The following SULT4A1 variants were observed in gnomAD, a reference collection of about 807,000 sequenced individuals.
SULT4A1 encodes sulfotransferase 4A1.
Under a neutral mutation model 35.2 loss-of-function variants are expected in SULT4A1, and 11 were observed. That is an observed-to-expected ratio of 0.31 (90% CI 0.20 to 0.52). SULT4A1 has a LOEUF of 0.52. SULT4A1 is among the 20% of genes least tolerant of loss of function. SULT4A1 has a pLI of 0.97. For synonymous variants in SULT4A1, 152 were observed against 151.8 expected, an observed-to-expected ratio of 1.00 and a Z score of -0.01; for missense variants, 271 against 383.7, an observed-to-expected ratio of 0.71 and a Z score of 2.45.
chr22:43,826,207 G>T, intron 6 of SULT4A1, 94 bp from the exon 7 acceptor site: 1 of 1,560,140 alleles, frequency 6.4e-7, no homozygotes, highest in South Asian at 1.2e-5. Flanking sequence ...GAACATTCCA[G>T]ATCTATTCCT....
intron 6 of SULT4A1, chr22:43,827,260 G>T (rs895585945): frequency 2.8e-5 from 28 of 985,310 alleles, no homozygotes; most frequent in Non-Finnish European, 3.0e-5. Context: ...AGCGGTCCTT[G>T]TCCAGGCAGG....
chr22:43,844,637 C>T (rs528046818), intron 1 of SULT4A1, among the ~76,000 whole-genome samples: 4 of 152,322 alleles, frequency 2.6e-5, no homozygotes, highest in South Asian at 2.1e-4. Context: ...ACACCTGGTG[C>T]GGGGTCCAGG....
chr22:43,860,838 G>A (rs907082181), intron 1 of SULT4A1, among the ~76,000 whole-genome samples: 1 of 152,124 alleles, frequency 6.6e-6, no homozygotes, highest in African/African-American at 2.4e-5. Flanking sequence ...GGTTTTCCAA[G>A]GGCAACGGAG....
chr22:43,836,439 C>T (rs113569466), intron 4 of SULT4A1, among the ~76,000 whole-genome samples: 44 of 145,044 alleles, frequency 3.0e-4, no homozygotes, highest in Admixed American at 2.8e-3. Flanking sequence ...GTCTACACAG[C>T]GTCCTCACAC....
intron 6 of SULT4A1, among the ~76,000 whole-genome samples, chr22:43,827,963 C>T (rs1284530551): frequency 2.0e-5 from 3 of 152,236 alleles, no homozygotes; most frequent in Non-Finnish European, 4.4e-5. Context: ...CACTGCTCTG[C>T]CTTTATAAGA....
chr22:43,844,193 G>A (rs2063456977), intron 1 of SULT4A1, among the ~76,000 whole-genome samples: 1 of 152,176 alleles, frequency 6.6e-6, no homozygotes, highest in Admixed American at 6.5e-5. Flanking sequence ...GCACATGTAA[G>A]ATATAATTCA....
intron 4 of SULT4A1, among the ~76,000 whole-genome samples, chr22:43,835,286 T>G (rs2063361475): frequency 6.6e-6 from 1 of 152,238 alleles, no homozygotes; most frequent in Non-Finnish European, 1.5e-5. Flanking sequence ...GATCCTCCCC[T>G]GCCTGCCACA....
In SULT4A1 at chr22:43,825,519, G is replaced by A. The variant is rs1484082474; in HGVS notation, c.*482C>T. On this transcript the variant is annotated 3_prime_UTR_variant, in exon 7 of 7. Transcript: ENST00000330884. The stretch of plus-strand genomic sequence containing the variant: ...TCACCACTATCTCAGAACCAAGTGA[G>A]AACAGAATGGCTGTGCCTTAGATAA... The A allele has an allele frequency of 6.5e-6, 1 of 154,410 alleles. No homozygotes were observed. Among genetic ancestry groups the A allele is most frequent in the Non-Finnish European group, 1.4e-5 (1 of 69,704 alleles). The allele number at this position is 154,410 out of a possible 1,614,324, so 9.6% of individuals were successfully genotyped here.
intron 4 of SULT4A1, among the ~76,000 whole-genome samples, chr22:43,837,561 G>A (rs2063387467): frequency 6.6e-6 from 1 of 152,168 alleles, no homozygotes. Flanking sequence ...AGGCTCAGGG[G>A]GCTTCAGGGT....
At chr22:43,849,284 C>T (rs1030015320) in intron 1 of SULT4A1, among the ~76,000 whole-genome samples, 1 of 152,198 alleles carries the variant, frequency 6.6e-6, no homozygotes, top group Non-Finnish European at 1.5e-5. Flanking sequence ...GTGATAGGGA[C>T]AGGGGGCAGG....
At chr22:43,826,465 C>T (rs763119) in intron 6 of SULT4A1, 268,118 of 985,066 alleles carry the variant, frequency 0.27, 37,186 homozygotes, top group East Asian at 0.43. Context: ...GCACCTGGCA[C>T]GTGGCAGGTG....
intron 1 of SULT4A1, among the ~76,000 whole-genome samples, chr22:43,861,359 G>C (rs1343620714): frequency 6.6e-6 from 1 of 152,176 alleles, no homozygotes; most frequent in Non-Finnish European, 1.5e-5. Flanking sequence ...GGAAATCCCA[G>C]GGCATGTTTA....
chr22:43,832,538 G>A (rs2063332590), intron 5 of SULT4A1, among the ~76,000 whole-genome samples: 1 of 152,068 alleles, frequency 6.6e-6, no homozygotes, highest in Non-Finnish European at 1.5e-5. Context: ...AAGAACAACT[G>A]CAGGAAACGC....
chr22:43,848,203 T>G (rs1239835032), intron 1 of SULT4A1, among the ~76,000 whole-genome samples: 3 of 152,116 alleles, frequency 2.0e-5, no homozygotes, highest in African/African-American at 7.2e-5. Context: ...ATGGAGGTGG[T>G]GATGCCCCTC....
chr22:43,833,073 T>A (rs1300030344), intron 5 of SULT4A1, among the ~76,000 whole-genome samples: 4 of 151,946 alleles, frequency 2.6e-5, no homozygotes, highest in Non-Finnish European at 5.9e-5. Flanking sequence ...CTCTCCTCTT[T>A]CCCATGGGCC....
chr22:43,841,093 C>G (rs563877001), intron 2 of SULT4A1, among the ~76,000 whole-genome samples: 1 of 152,228 alleles, frequency 6.6e-6, no homozygotes, highest in Non-Finnish European at 1.5e-5. Flanking sequence ...GCCCTCGGCA[C>G]GGCAGTACGG....
At chr22:43,836,398 G>A (rs1162516289) in intron 4 of SULT4A1, among the ~76,000 whole-genome samples, 7 of 134,874 alleles carry the variant, frequency 5.2e-5, no homozygotes, top group African/African-American at 8.9e-5. Context: ...TCTACACAGC[G>A]TCCTCACACT....
At chr22:43,841,742 G>A in intron 2 of SULT4A1, 60 bp downstream of exon 2, 7 of 1,580,748 alleles carry the variant, frequency 4.4e-6, no homozygotes, top group South Asian at 1.1e-5. Context: ...CAATCATCAG[G>A]GTGTAACGGT....
chr22:43,860,016 G>T (rs117275276), intron 1 of SULT4A1, among the ~76,000 whole-genome samples: 3 of 152,160 alleles, frequency 2.0e-5, no homozygotes, highest in African/African-American at 7.2e-5. Flanking sequence ...GACAGGAAGC[G>T]AAGGCAGGAT....
Sources: gnomAD v4.1 joint callset for allele counts (sites outside exome capture counted in the v4.1 genomes callset) on GRCh38, gnomAD v4.1.1 for gene constraint, MANE v1.5 for transcripts, NCBI Gene and HGNC (gene_info 2026-07-23, HGNC 2026-07-21) for gene names.